Variants in LNPK observed in about 807,000 individuals in gnomAD.
LNPK encodes endoplasmic reticulum junction formation protein lunapark.
In LNPK, 29 loss-of-function variants were observed where a neutral mutation model predicts 55.2. The observed-to-expected ratio is 0.53, with a 90% confidence interval of 0.39 to 0.72. The LOEUF is 0.72. Among genes scored for constraint, LNPK ranks in the 30% least tolerant of loss-of-function variants. The pLI is 0.00. For missense variants in LNPK, 467 were observed against 494.8 expected, an observed-to-expected ratio of 0.94 and a Z score of 0.53; for synonymous variants, 162 against 168.2, an observed-to-expected ratio of 0.96 and a Z score of 0.29.
At chr2:175,951,236 C>G (rs958995351) in intron 8 of LNPK, among the ~76,000 whole-genome samples, 2 of 151,940 alleles carry the variant, frequency 1.3e-5, no homozygotes, top group South Asian at 2.1e-4. Flanking sequence ...TTTATTATTT[C>G]CATAGGTTAC....
intron 8 of LNPK, among the ~76,000 whole-genome samples, chr2:175,950,647 T>C (rs1356336328): frequency 1.3e-5 from 2 of 152,128 alleles, no homozygotes; most frequent in African/African-American, 4.8e-5. Context: ...TGGGACCAAA[T>C]GGTCATAATT....
intron 8 of LNPK, among the ~76,000 whole-genome samples, chr2:175,953,938 A>G (rs188255784): frequency 3.9e-5 from 6 of 151,938 alleles, no homozygotes; most frequent in African/African-American, 1.4e-4. Context: ...CCTTCATATG[A>G]CCCCTACTTT....
chr2:175,966,164 A>C (rs1189278544), intron 6 of LNPK, among the ~76,000 whole-genome samples: 1 of 152,164 alleles, frequency 6.6e-6, no homozygotes, highest in Non-Finnish European at 1.5e-5. Flanking sequence ...TCCCAGGTTC[A>C]AGCGATTCTC....
intron 1 of LNPK, among the ~76,000 whole-genome samples, chr2:175,996,960 T>G (rs533284203): frequency 6.6e-6 from 1 of 152,324 alleles, no homozygotes; most frequent in South Asian, 2.1e-4. Flanking sequence ...TAAAACTACT[T>G]CTTTTCCACC....
chr2:176,002,279 A>G (rs1271277350), upstream of LNPK: 2 of 442,348 alleles, frequency 4.5e-6, no homozygotes, highest in Admixed American at 2.4e-5. Flanking sequence ...AGCCGGGCCA[A>G]CTCCTTCCCA....
chr2:175,977,783 G>A (rs1478710054), intron 5 of LNPK, among the ~76,000 whole-genome samples: 4 of 152,148 alleles, frequency 2.6e-5, no homozygotes, highest in East Asian at 1.9e-4. Context: ...AAAAATTTTT[G>A]TTTTGAACAA....
intron 7 of LNPK, 22 bp downstream of exon 7, chr2:175,964,484 A>G: frequency 6.3e-7 from 1 of 1,584,394 alleles, no homozygotes; most frequent in South Asian, 1.1e-5. Flanking sequence ...ATAATAAAAT[A>G]GTAGTGATAT....
chr2:175,963,714 A>G (rs1484855777), intron 8 of LNPK, among the ~76,000 whole-genome samples: 6 of 151,816 alleles, frequency 4.0e-5, no homozygotes, highest in Admixed American at 3.9e-4. Flanking sequence ...AAATAAATTA[A>G]TTAATTAAAA....
At chr2:175,971,085 A>G (rs1559057833) in intron 5 of LNPK, among the ~76,000 whole-genome samples, 1 of 152,122 alleles carries the variant, frequency 6.6e-6, no homozygotes, top group Admixed American at 6.6e-5. Flanking sequence ...TAATGTGTTC[A>G]GAAACATTAC....
At chr2:176,001,900 G>A (rs965494953) in intron 1 of LNPK, among the ~76,000 whole-genome samples, 1 of 152,184 alleles carries the variant, frequency 6.6e-6, no homozygotes, top group African/African-American at 2.4e-5. Flanking sequence ...GCCCTAGAGG[G>A]GAAACAAGGG....
intron 4 of LNPK, among the ~76,000 whole-genome samples, chr2:175,986,506 T>C (rs1442675767): frequency 1.3e-5 from 2 of 152,132 alleles, no homozygotes. Flanking sequence ...TCAGAAAATG[T>C]CATAGTTTCA....
intron 6 of LNPK, among the ~76,000 whole-genome samples, chr2:175,966,503 A>G (rs1255346020): frequency 6.6e-6 from 1 of 152,206 alleles, no homozygotes; most frequent in Non-Finnish European, 1.5e-5. Flanking sequence ...CCAAACCAAA[A>G]TGCTACTTTA....
chr2:176,002,466 A>T (rs1353242941), upstream of LNPK: 2 of 296,254 alleles, frequency 6.8e-6, no homozygotes, highest in African/African-American at 4.7e-5. Context: ...TGTCGCAGTT[A>T]TGTACTGCCA....
At position 175,926,587 on chromosome 2, in the gene LNPK, T is replaced by C. The variant is rs929515468; in HGVS notation, c.*3380A>G. On this transcript the variant is annotated 3_prime_UTR_variant, in exon 13 of 13. Coordinates refer to ENST00000272748, the MANE Select transcript of LNPK (RefSeq NM_030650.3). ...CTCTCTACAACTCAGCTTTCTCTTC[T>C]AGTAGTCCAAAGATAAAAATCTTCA... 2.6e-5 allele frequency: 4 copies of C among 152,234 alleles called. No individual in the cohort carries two copies. Among genetic ancestry groups the C allele is most frequent in the African/African-American group, 9.6e-5 (4 of 41,454 alleles). 9.4% of individuals were successfully genotyped at this position (152,234 alleles called of 1,614,324 possible). A position where few individuals can be genotyped will look rare whatever the true frequency, so the allele number is the denominator to read the frequency against.
At chr2:175,933,818 G>A (rs1231116302) in intron 12 of LNPK, among the ~76,000 whole-genome samples, 9 of 133,234 alleles carry the variant, frequency 6.8e-5, no homozygotes, top group African/African-American at 1.7e-4. Flanking sequence ...TGCAACCTCC[G>A]CCTCCCGGAT....
chr2:175,980,992 T>C (rs917930880), intron 4 of LNPK, among the ~76,000 whole-genome samples: 3 of 152,056 alleles, frequency 2.0e-5, no homozygotes, highest in African/African-American at 7.2e-5. Flanking sequence ...AAAAAAAATT[T>C]GATTGTACTG....
intron 2 of LNPK, 104 bp from the exon 3 acceptor site, chr2:175,993,327 A>G: frequency 1.7e-6 from 1 of 590,212 alleles, no homozygotes; most frequent in Non-Finnish European, 2.8e-6. Context: ...AAATTTTCTC[A>G]AATCTTGTCA....
At chr2:175,947,794 T>C (rs140480433) in intron 8 of LNPK, 102 bp from the exon 9 acceptor site, 241 of 675,822 alleles carry the variant, frequency 3.6e-4, no homozygotes, top group African/African-American at 3.5e-3. Flanking sequence ...CCAAAAGGCA[T>C]TGTAGTGTCA....
chr2:175,933,737 T>TTG (rs1230545914), intron 12 of LNPK, among the ~76,000 whole-genome samples: 1 of 147,950 alleles, frequency 6.8e-6, no homozygotes, highest in Non-Finnish European at 1.5e-5. Context: ...AAGGGTTTTT[T>TTG]TTTTTTTTTT....
Sources: gnomAD v4.1 joint callset for allele counts (sites outside exome capture counted in the v4.1 genomes callset) on GRCh38, gnomAD v4.1.1 for gene constraint, MANE v1.5 for transcripts, NCBI Gene and HGNC (gene_info 2026-07-23, HGNC 2026-07-21) for gene names.